RTN1: variants seen among roughly 807,000 people sequenced by gnomAD.
RTN1 encodes the protein reticulon-1.
RTN1 carries 25 observed loss-of-function variants against 65.5 expected under a neutral mutation model. The observed-to-expected ratio is 0.38, with a 90% CI of 0.28 to 0.53. The LOEUF is 0.53. Among genes scored for constraint, RTN1 ranks in the 20% least tolerant of loss-of-function variants. The pLI is 0.79. For synonymous variants in RTN1, 471 were observed against 447.6 expected, an observed-to-expected ratio of 1.05 and a Z score of -0.66; for missense variants, 983 against 1,025.4, an observed-to-expected ratio of 0.96 and a Z score of 0.57.
At chr14:59,867,779 CTCAAAG>C (rs1887824553) in intron 1 of RTN1, among the ~76,000 whole-genome samples, 1 of 152,192 alleles carries the variant, frequency 6.6e-6, no homozygotes, top group Non-Finnish European at 1.5e-5. Flanking sequence ...GTGCATCACA[CTCAAAG>C]TCTAAGTTAC....
chr14:59,762,122 C>T (rs1016113856), intron 1 of RTN1, among the ~76,000 whole-genome samples: 3 of 152,000 alleles, frequency 2.0e-5, no homozygotes, highest in African/African-American at 7.2e-5. Context: ...TGCAGCAGGG[C>T]ATGGCATAGT....
chr14:59,800,741 T>G (rs1295980625), intron 1 of RTN1, among the ~76,000 whole-genome samples: 1 of 151,946 alleles, frequency 6.6e-6, no homozygotes, highest in South Asian at 2.1e-4. Flanking sequence ...GAGAACATTG[T>G]CAAGAGATAA....
intron 1 of RTN1, among the ~76,000 whole-genome samples, chr14:59,764,402 C>G (rs892891665): frequency 1.6e-4 from 25 of 151,630 alleles, no homozygotes; most frequent in African/African-American, 5.8e-4. Flanking sequence ...CTCACTGCAA[C>G]CTCCGCCTCC....
At chr14:59,612,369 T>C (rs1881976735) in intron 3 of RTN1, among the ~76,000 whole-genome samples, 1 of 152,190 alleles carries the variant, frequency 6.6e-6, no homozygotes, top group African/African-American at 2.4e-5. Context: ...AAACCTGGTA[T>C]GCCAGCAAAA....
rs111400925 is a variant in RTN1, at chr14:59,740,447, AT to A, written c.1015+5260del. On this transcript the variant is annotated intron_variant, in intron 2 of 8. Coordinates refer to ENST00000267484, the MANE Select transcript of RTN1 (RefSeq NM_021136.3). ...CATTTGACTCTCAGCTAAACAATGA[AT>A]TTTTTTTTAGTATAGGTATGCCCTA... is the stretch of plus-strand genomic sequence containing the variant. 1.2e-3 allele frequency among the ~76,000 whole-genome samples: 188 copies of A among 151,912 alleles called. 1 individual carries two copies. Among genetic ancestry groups the A allele is most frequent in the African/African-American group, 3.8e-3 (159 of 41,462 alleles).
intron 3 of RTN1, among the ~76,000 whole-genome samples, chr14:59,700,452 C>T (rs1884154030): frequency 6.6e-6 from 1 of 152,082 alleles, no homozygotes. Context: ...AATTGGAGGA[C>T]TTGCACTTCC....
chr14:59,739,296 A>C, intron 2 of RTN1, among the ~76,000 whole-genome samples: 1 of 152,178 alleles, frequency 6.6e-6, no homozygotes, highest in East Asian at 1.9e-4. Context: ...CGAGGCGGGC[A>C]GATCACCTGA....
chr14:59,742,959 A>C (rs1213825273), intron 2 of RTN1, among the ~76,000 whole-genome samples: 1 of 152,124 alleles, frequency 6.6e-6, no homozygotes, highest in Non-Finnish European at 1.5e-5. Flanking sequence ...TCTTCCTGTT[A>C]ATTTCATTCT....
intron 8 of RTN1, 92 bp from the exon 9 acceptor site, chr14:59,596,879 G>T (rs1342238368): frequency 7.5e-6 from 7 of 934,112 alleles, no homozygotes; most frequent in East Asian, 4.9e-5. Flanking sequence ...AGTGACCAAA[G>T]AACTTAATAT....
chr14:59,721,313 C>T (rs149684432), intron 3 of RTN1, among the ~76,000 whole-genome samples: 3 of 152,156 alleles, frequency 2.0e-5, no homozygotes, highest in Non-Finnish European at 4.4e-5. Flanking sequence ...AGAGGCCTGC[C>T]TCCCAGGGCA....
At chr14:59,707,360 G>GT (rs1884317604) in intron 3 of RTN1, among the ~76,000 whole-genome samples, 1 of 152,092 alleles carries the variant, frequency 6.6e-6, no homozygotes, top group African/African-American at 2.4e-5. Flanking sequence ...TTTGACCATC[G>GT]TATTTAAAAT....
intron 3 of RTN1, among the ~76,000 whole-genome samples, chr14:59,611,110 G>A (rs11621532): frequency 0.23 from 35,007 of 152,214 alleles, 4,258 homozygotes; most frequent in South Asian, 0.35. Flanking sequence ...AGCCGGCTCT[G>A]TGTGAAGTAC....
At chr14:59,690,043 C>A (rs1883928713) in intron 3 of RTN1, among the ~76,000 whole-genome samples, 1 of 150,666 alleles carries the variant, frequency 6.6e-6, no homozygotes, top group African/African-American at 2.4e-5. Context: ...GTCTTGAACT[C>A]TTGACCTCAA....
At chr14:59,754,479 A>G (rs1056632736) in intron 1 of RTN1, among the ~76,000 whole-genome samples, 1 of 152,172 alleles carries the variant, frequency 6.6e-6, no homozygotes, top group African/African-American at 2.4e-5. Context: ...TCCATAGCTT[A>G]GGCAGTTTGT....
chr14:59,638,144 G>A (rs549599390), intron 3 of RTN1, among the ~76,000 whole-genome samples: 62 of 123,158 alleles, frequency 5.0e-4, no homozygotes, highest in African/African-American at 1.8e-3. Flanking sequence ...GAGCCACTGC[G>A]CCCAGCCACA....
At chr14:59,621,965 T>C (rs1313011109) in intron 3 of RTN1, among the ~76,000 whole-genome samples, 4 of 152,224 alleles carry the variant, frequency 2.6e-5, no homozygotes, top group Non-Finnish European at 5.9e-5. Context: ...TGTGTAATTT[T>C]ATTCCATCTT....
intron 3 of RTN1, among the ~76,000 whole-genome samples, chr14:59,657,944 T>C (rs144601462): frequency 0.019 from 2,819 of 152,284 alleles, 34 homozygotes; most frequent in Middle Eastern, 0.051. Context: ...CCAAGTGGCC[T>C]AGCTCAGCAG....
chr14:59,835,795 C>G (rs889414782), intron 1 of RTN1, among the ~76,000 whole-genome samples: 23 of 152,104 alleles, frequency 1.5e-4, no homozygotes, highest in African/African-American at 4.8e-4. Context: ...CATGGTGATA[C>G]AATTAATGAT....
At chr14:59,645,775 C>A (rs1451375015) in intron 3 of RTN1, among the ~76,000 whole-genome samples, 3 of 152,194 alleles carry the variant, frequency 2.0e-5, no homozygotes, top group African/African-American at 7.2e-5. Flanking sequence ...AGTTACCAGG[C>A]CCAGGACTCC....
Sources: gnomAD v4.1 joint callset for allele counts (sites outside exome capture counted in the v4.1 genomes callset) on GRCh38, gnomAD v4.1.1 for gene constraint, MANE v1.5 for transcripts, NCBI Gene and HGNC (gene_info 2026-07-23, HGNC 2026-07-21) for gene names.